Variants in DLC1 observed in about 807,000 individuals in gnomAD.
DLC1 encodes DLC1 Rho GTPase activating protein.
A neutral mutation model predicts 140.3 loss-of-function variants in DLC1; 54 were observed. The ratio of observed to expected loss-of-function variants is 0.38; its 90% CI spans 0.31 to 0.48. The LOEUF (loss-of-function observed/expected upper bound fraction) is 0.48. DLC1 is among the 20% of genes least tolerant of loss of function. DLC1 has a pLI of 0.96. For synonymous variants in DLC1, 986 were observed against 728.1 expected, an observed-to-expected ratio of 1.35 and a Z score of -5.70; for missense variants, 2,536 against 1,907.0, an observed-to-expected ratio of 1.33 and a Z score of -6.14.
intron 1 of DLC1, among the ~76,000 whole-genome samples, chr8:13,600,590 A>G (rs982659724): frequency 4.6e-5 from 7 of 151,916 alleles, no homozygotes; most frequent in Non-Finnish European, 1.0e-4. Flanking sequence ...AAAAAAGAAA[A>G]AGTGGCAATG....
At position 13,499,519 on chromosome 8, in the gene DLC1, C is replaced by G. The variant is rs1801685831; in HGVS notation, c.553G>C (p.Asp185His). 4 of 1,614,132 alleles carry G rather than the reference C, an allele frequency of 2.5e-6. 1 individual carries two copies. In the South Asian group the frequency reaches 4.4e-5, roughly 18 times the overall value. Residue 185 changes from aspartate to histidine, a missense_variant, in exon 2 of 18, where the codon GAC becomes CAC. Transcript: ENST00000276297. ...VKESGERKVT[D>H]SISKSLELCN... is the part of the protein sequence containing the mutation. ...AGCTCCAGGCTTTTACTTATAGAGT[C>G]AGTAACTTTTCTCTCCCCACTTTCT...
chr8:13,581,639 G>C (rs1286755259), intron 1 of DLC1, among the ~76,000 whole-genome samples: 2 of 152,144 alleles, frequency 1.3e-5, no homozygotes, highest in African/African-American at 2.4e-5. Flanking sequence ...TGGTTTTCCT[G>C]CTTCTGTTCA....
chr8:13,133,085 T>G, intron 5 of DLC1: 1 of 1,528,966 alleles, frequency 6.5e-7, no homozygotes, highest in Admixed American at 2.0e-5. Context: ...ACGCGCGCCC[T>G]CGCGGTCCTC....
At chr8:13,188,200 G>T (rs1277706717) in intron 5 of DLC1, among the ~76,000 whole-genome samples, 2 of 149,374 alleles carry the variant, frequency 1.3e-5, no homozygotes, top group African/African-American at 2.5e-5. Flanking sequence ...TCCTGCCTCA[G>T]CCTCCAGAGT....
rs565557784 is a variant in DLC1 at position 13,365,968 on chromosome 8, A to G, written c.1314+27585T>C. ...CTTCCGCAAAGAGAGGGGAAAATGT[A>G]CCAGCCAGAAGGTTTAAAGACTAGG... On this transcript the variant is annotated intron_variant, in intron 4 of 17. Transcript: ENST00000276297. 6.6e-5 allele frequency among the ~76,000 whole-genome samples: 10 copies of G among 152,322 alleles called. No homozygotes were observed. The South Asian group carries it at 2.1e-3, about 32-fold the overall frequency.
intron 1 of DLC1, chr8:13,566,714 T>C (rs759861589): frequency 1.4e-4 from 62 of 437,622 alleles, no homozygotes; most frequent in Non-Finnish European, 2.1e-4. Context: ...GAAGCAGGAG[T>C]GCAGAAGACA....
At chr8:13,185,293 T>TTG (rs1563146221) in intron 5 of DLC1, among the ~76,000 whole-genome samples, 52 of 61,646 alleles carry the variant, frequency 8.4e-4, no homozygotes, top group African/African-American at 2.2e-3. Flanking sequence ...GTTTTTTTTG[T>TTG]TTGTTTGTTT....
At chr8:13,388,326 C>T (rs896119893) in intron 4 of DLC1, among the ~76,000 whole-genome samples, 3 of 151,912 alleles carry the variant, frequency 2.0e-5, no homozygotes, top group Non-Finnish European at 4.4e-5. Flanking sequence ...GCCCATTAAC[C>T]TTTGTTCTTC....
intron 5 of DLC1, among the ~76,000 whole-genome samples, chr8:13,189,024 T>C (rs1017973453): frequency 3.3e-5 from 5 of 151,492 alleles, no homozygotes; most frequent in African/African-American, 1.2e-4. Context: ...AAAATCCCTA[T>C]GGACCAAGCC....
chr8:13,384,014 C>A (rs1338592856), intron 4 of DLC1, among the ~76,000 whole-genome samples: 3 of 152,148 alleles, frequency 2.0e-5, no homozygotes, highest in Admixed American at 6.5e-5. Flanking sequence ...TACTAATCAT[C>A]AATTATGTTC....
At chr8:13,572,562 C>A (rs1339846559) in intron 1 of DLC1, among the ~76,000 whole-genome samples, 3 of 152,114 alleles carry the variant, frequency 2.0e-5, no homozygotes, top group East Asian at 3.9e-4. Flanking sequence ...ATCACCAAAT[C>A]TAAGATCATG....
intron 1 of DLC1, among the ~76,000 whole-genome samples, chr8:13,583,690 C>T (rs941518818): frequency 6.6e-5 from 10 of 152,142 alleles, no homozygotes; most frequent in Non-Finnish European, 1.5e-4. Context: ...AATTCTTTAG[C>T]GAAATATCGA....
intron 1 of DLC1, chr8:13,567,926 T>C: frequency 6.5e-7 from 1 of 1,549,490 alleles, no homozygotes; most frequent in Non-Finnish European, 8.7e-7. Context: ...AAACCAGAGC[T>C]GGTGATTGTT....
chr8:13,156,155 ATTCTT>A (rs1476503855), intron 5 of DLC1, among the ~76,000 whole-genome samples: 1 of 152,062 alleles, frequency 6.6e-6, no homozygotes, highest in Admixed American at 6.6e-5. Flanking sequence ...ATAGATTATT[ATTCTT>A]TTCTTTTGGG....
intron 4 of DLC1, among the ~76,000 whole-genome samples, chr8:13,317,708 T>C (rs1159023000): frequency 6.6e-6 from 1 of 151,920 alleles, no homozygotes; most frequent in Non-Finnish European, 1.5e-5. Flanking sequence ...GGAGAAAGTA[T>C]AGAAGGAAAG....
chr8:13,253,613 C>A (rs556011950), intron 5 of DLC1, among the ~76,000 whole-genome samples: 3 of 152,162 alleles, frequency 2.0e-5, no homozygotes, highest in Non-Finnish European at 4.4e-5. Context: ...ACTGAAAAGA[C>A]TTAGTAAATC....
At chr8:13,468,825 T>TC (rs1210787051) in intron 2 of DLC1, among the ~76,000 whole-genome samples, 7 of 54,928 alleles carry the variant, frequency 1.3e-4, no homozygotes, top group African/African-American at 3.3e-4. Flanking sequence ...TTTTTTTTTT[T>TC]TTTTTTTTTT....
rs118130005 is a variant in DLC1 at position 13,363,175 on chromosome 8, T to G, written c.1314+30378A>C. Among the ~76,000 whole-genome samples, 871 of 152,352 alleles carry G rather than the reference T, an allele frequency of 5.7e-3. 5 individuals are homozygous for G. Among genetic ancestry groups the G allele is most frequent in the South Asian group, 0.012 (56 of 4,826 alleles). Reference sequence around the variant, plus strand: ...GTTAATGTCTACACATGAGAGCCCATGGAACTAACCTGAAAGTATTTCTGT... The same window carrying G: ...GTTAATGTCTACACATGAGAGCCCAGGGAACTAACCTGAAAGTATTTCTGT... On this transcript the variant is annotated intron_variant, in intron 4 of 17. Transcript: ENST00000276297.
At chr8:13,349,050 G>A (rs573001123) in intron 4 of DLC1, among the ~76,000 whole-genome samples, 1 of 152,206 alleles carries the variant, frequency 6.6e-6, no homozygotes, top group African/African-American at 2.4e-5. Flanking sequence ...CCAACCCCAG[G>A]CTGCACAGTC....
Sources: allele counts gnomAD v4.1 joint callset (sites outside exome capture counted in the v4.1 genomes callset), GRCh38; gene constraint gnomAD v4.1.1; transcripts MANE v1.5; gene names NCBI Gene and HGNC (gene_info 2026-07-23, HGNC 2026-07-21).